Variants in LEPR observed in about 807,000 individuals in gnomAD.
The protein encoded by LEPR is OB receptor.
LEPR carries 56 observed loss-of-function variants against 114.7 expected under a neutral mutation model. The ratio of observed to expected loss-of-function variants is 0.49; its 90% CI spans 0.39 to 0.61. The LOEUF (loss-of-function observed/expected upper bound fraction) is 0.61, where lower values mean the gene tolerates loss of function less well. Among genes scored for constraint, LEPR ranks in the 20% least tolerant of loss-of-function variants. The pLI, the probability that LEPR is intolerant of heterozygous loss-of-function variation, is 0.00. For missense variants in LEPR, 1,202 were observed against 1,352.9 expected (o/e 0.89, Z 1.75); for synonymous variants, 443 against 461.4 (o/e 0.96, Z 0.51).
chr1:65,566,549 C>T (rs1653774455), intron 3 of LEPR, among the ~76,000 whole-genome samples: 1 of 152,196 alleles, frequency 6.6e-6, no homozygotes, highest in African/African-American at 2.4e-5. Context: ...TGTTTCTTAC[C>T]ACATTCTGGT....
intron 2 of LEPR, among the ~76,000 whole-genome samples, chr1:65,455,855 A>G (rs1182545659): frequency 7.2e-5 from 11 of 152,176 alleles, no homozygotes; most frequent in African/African-American, 1.4e-4. Context: ...TCAAGCCTGG[A>G]CAATGGTGGG....
intron 2 of LEPR, among the ~76,000 whole-genome samples, chr1:65,454,929 G>A (rs1252923391): frequency 5.3e-5 from 8 of 152,144 alleles, no homozygotes; most frequent in Non-Finnish European, 1.0e-4. Flanking sequence ...CCAATCAGAC[G>A]TAGATTTGGT....
At chr1:65,468,848 TATAAGAAATAAGAAAGTGC>T (rs1647048224) in intron 2 of LEPR, among the ~76,000 whole-genome samples, 1 of 152,106 alleles carries the variant, frequency 6.6e-6, no homozygotes, top group African/African-American at 2.4e-5. Context: ...GCAAGTTGGG[TATAAGAAATAAGAAAGTGC>T]TGGGAGCTAT....
Position 65,592,776 on chromosome 1 carries a change from T to G in LEPR, c.614T>G (p.Leu205Arg), listed in dbSNP as rs1655793690. Residue 205 changes from leucine (L) to arginine (R), a missense_variant, in exon 6 of 20, where the codon CTC (leucine) becomes CGC (arginine). Physicochemically the swap from Leu to Arg is moderately radical, Grantham distance 102 (BLOSUM62 -2). Coordinates refer to ENST00000349533, the MANE Select transcript of LEPR (RefSeq NM_002303.6). ...CTTGTGCCTGTGCCAACAGCCAAAC[T>G]CAACGACACTCTCCTTATGTGTTTG... Reference protein sequence around the residue: ...ECLVPVPTAKLNDTLLMCLKI... With the variant: ...ECLVPVPTAKRNDTLLMCLKI... 2 of 1,613,384 alleles carry G rather than the reference T, an allele frequency of 1.2e-6. No individual in the cohort carries two copies. The highest frequency in any genetic ancestry group is 1.7e-6 in the Non-Finnish European group (2 of 1,179,500).
At chr1:65,519,822 C>T (rs1305591906) in intron 2 of LEPR, among the ~76,000 whole-genome samples, 1 of 151,888 alleles carries the variant, frequency 6.6e-6, no homozygotes, top group East Asian at 2.0e-4. Context: ...GTCTGCCCCA[C>T]CAAGCCTGGC....
chr1:65,512,728 C>A (rs1649093861), intron 2 of LEPR, among the ~76,000 whole-genome samples: 1 of 152,132 alleles, frequency 6.6e-6, no homozygotes, highest in Non-Finnish European at 1.5e-5. Context: ...TTCCTTCTGT[C>A]CCGTGTCCCT....
At position 65,596,455 on chromosome 1, in the gene LEPR, T is replaced by C; in HGVS notation, c.711T>C (p.Pro237=). The C allele has an allele frequency of 2.5e-6, 4 of 1,612,714 alleles. No homozygotes were observed. Among genetic ancestry groups the C allele is most frequent in the East Asian group, 2.2e-5 (1 of 44,776 alleles). ...MSVQPINMVK[P]DPPLGLHMEI... ...CTCTTTTTTTTCCTTAAGTGAAGCC[T>C]GATCCACCATTAGGTTTGCATATGG... Residue 237 remains proline (P), a synonymous_variant, in exon 7 of 20, where the codon CCT becomes CCC. Transcript: ENST00000349533.
chr1:65,430,287 T>G, intron 2 of LEPR: 1 of 347,034 alleles, frequency 2.9e-6, no homozygotes, highest in Non-Finnish European at 5.2e-6. Flanking sequence ...CTTTTTCTAC[T>G]TTAAGCTATT....
chr1:65,623,784 T>G (rs1658027607), intron 19 of LEPR, among the ~76,000 whole-genome samples: 1 of 152,198 alleles, frequency 6.6e-6, no homozygotes, highest in Admixed American at 6.5e-5. Flanking sequence ...TAAAGCCCCC[T>G]GAAGCTATTA....
chr1:65,589,628 T>G (rs1261789927), intron 5 of LEPR, among the ~76,000 whole-genome samples: 1 of 152,112 alleles, frequency 6.6e-6, no homozygotes, highest in Non-Finnish European at 1.5e-5. Context: ...TTCTTTTCTT[T>G]TATTGCATAT....
At chr1:65,471,775 A>G (rs1042702397) in intron 2 of LEPR, among the ~76,000 whole-genome samples, 1 of 152,226 alleles carries the variant, frequency 6.6e-6, no homozygotes, top group African/African-American at 2.4e-5. Flanking sequence ...AGCTAGGGGA[A>G]GTGATTTACA....
chr1:65,455,428 C>G (rs2100348436), intron 2 of LEPR, among the ~76,000 whole-genome samples: 1 of 152,282 alleles, frequency 6.6e-6, no homozygotes, highest in East Asian at 1.9e-4. Flanking sequence ...TACTTTTGGT[C>G]TTTGATGATG....
intron 2 of LEPR, among the ~76,000 whole-genome samples, chr1:65,497,366 T>C (rs1434022500): frequency 6.6e-6 from 1 of 152,182 alleles, no homozygotes; most frequent in African/African-American, 2.4e-5. Context: ...GCATCTAGTC[T>C]GTTTCTTATT....
chr1:65,461,592 C>G (rs1316182930), intron 2 of LEPR, among the ~76,000 whole-genome samples: 1 of 152,106 alleles, frequency 6.6e-6, no homozygotes, highest in Non-Finnish European at 1.5e-5. Flanking sequence ...AATAAATAAA[C>G]AAGTAGTGGA....
intron 5 of LEPR, among the ~76,000 whole-genome samples, chr1:65,579,243 C>T (rs1157910660): frequency 6.6e-6 from 1 of 152,078 alleles, no homozygotes; most frequent in African/African-American, 2.4e-5. Flanking sequence ...AGAAGCCTGG[C>T]TGGGGTTGGA....
In LEPR at chr1:65,640,328, T is replaced by C. The variant is rs1421907800; in HGVS notation, c.*3313T>C. On this transcript the variant is annotated 3_prime_UTR_variant, in exon 20 of 20. Transcript: ENST00000349533. The stretch of plus-strand genomic sequence containing the variant: ...GGATGAAAAAAGATCTCTTGCTAAA[T>C]TATTTTCTGTGACCTTAAAAGAAAT... 6.6e-6 allele frequency: 1 copy of C among 152,216 alleles called. No homozygotes were observed. The highest frequency in any genetic ancestry group is 2.4e-5 in the African/African-American group (1 of 41,456). The allele number at this position is 152,216 out of a possible 1,614,324, so 9.4% of individuals were successfully genotyped here. A position where few individuals can be genotyped will look rare whatever the true frequency, so the allele number is the denominator to read the frequency against.
At chr1:65,546,802 C>G (rs989038016) in intron 2 of LEPR, among the ~76,000 whole-genome samples, 3 of 152,150 alleles carry the variant, frequency 2.0e-5, no homozygotes, top group African/African-American at 7.2e-5. Context: ...CCCTTTATTT[C>G]CTTCTCCTGC....
intron 5 of LEPR, among the ~76,000 whole-genome samples, chr1:65,588,135 A>C (rs536169492): frequency 3.3e-4 from 50 of 152,114 alleles, no homozygotes; most frequent in Middle Eastern, 3.4e-3. Context: ...TCTTCTCCCC[A>C]CTGCTCTTAT....
Position 65,613,638 on chromosome 1 carries a change from A to C in LEPR, c.1996-2370A>C, listed in dbSNP as rs1035012656. Among the ~76,000 whole-genome samples the C allele has an allele frequency of 1.9e-4, 25 of 129,928 alleles. 2 individuals carry two copies. The highest frequency in any genetic ancestry group is 6.1e-4 in the African/African-American group (22 of 36,322). 85.2% of individuals were successfully genotyped at this position (129,928 alleles called of 152,430 possible). A position where few individuals can be genotyped will look rare whatever the true frequency, so the allele number is the denominator to read the frequency against. On this transcript the variant is annotated intron_variant, in intron 14 of 19. Transcript: ENST00000349533. ...CGCGGTGGCGGGCGCCTGTAGTCCC[A>C]GCTACTCGGGAGGCTGAGGCAGGAG...
Sources: gnomAD v4.1 joint callset for allele counts (sites outside exome capture counted in the v4.1 genomes callset) on GRCh38, gnomAD v4.1.1 for gene constraint, MANE v1.5 for transcripts, NCBI Gene and HGNC (gene_info 2026-07-23, HGNC 2026-07-21) for gene names.